PSMA8: variants seen among roughly 807,000 people sequenced by gnomAD.
PSMA8 encodes proteasome 20S subunit alpha 8.
Under a neutral mutation model 32.4 loss-of-function variants are expected in PSMA8, and 18 were observed. The ratio of observed to expected loss-of-function variants is 0.56; its 90% CI spans 0.38 to 0.82. The LOEUF is 0.82. Among genes scored for constraint, PSMA8 ranks in the 40% least tolerant of loss-of-function variants. PSMA8 has a pLI of 0.00. For synonymous variants in PSMA8, 104 were observed against 98.1 expected (o/e 1.06, Z -0.36); for missense variants, 298 against 300.7 (o/e 0.99, Z 0.07).
At chr18:26,134,219 C>A in intron 1 of PSMA8, 152 bp downstream of exon 1, 1 of 616,582 alleles carries the variant, frequency 1.6e-6, no homozygotes, top group Non-Finnish European at 2.9e-6. Flanking sequence ...TTTAGGGAGA[C>A]AGACTTCTAG....
chr18:26,160,595 C>T (rs1048624676), intron 4 of PSMA8, among the ~76,000 whole-genome samples: 1 of 151,988 alleles, frequency 6.6e-6, no homozygotes, highest in African/African-American at 2.4e-5. Flanking sequence ...TTGTTTTTTA[C>T]TCTGACATAC....
At chr18:26,171,343 T>A in intron 4 of PSMA8, 1 of 1,429,986 alleles carries the variant, frequency 7.0e-7, no homozygotes, top group South Asian at 1.1e-5. Context: ...GCGGTCAAGT[T>A]TGGCGCGAAA....
chr18:26,147,210 CA>C (rs57358976), intron 2 of PSMA8, among the ~76,000 whole-genome samples: 1,200 of 48,290 alleles, frequency 0.025, 6 homozygotes, highest in African/African-American at 0.027. Context: ...CACCCTGTCT[CA>C]AAAAAAAAAA....
At chr18:26,170,940 A>G in intron 4 of PSMA8, 1 of 1,557,604 alleles carries the variant, frequency 6.4e-7, no homozygotes, top group South Asian at 1.1e-5. Flanking sequence ...ACTGCCACCA[A>G]CTATCCAGAC....
chr18:26,142,984 T>C (rs548740705), intron 1 of PSMA8, among the ~76,000 whole-genome samples: 16 of 152,202 alleles, frequency 1.1e-4, no homozygotes, highest in Admixed American at 1.0e-3. Context: ...GGGAAAACTT[T>C]TACAGAATTT....
intron 4 of PSMA8, among the ~76,000 whole-genome samples, chr18:26,169,307 A>C (rs1200040769): frequency 7.5e-6 from 1 of 134,042 alleles, no homozygotes; most frequent in Non-Finnish European, 1.5e-5. Context: ...TTCATTTCTC[A>C]AAGGCATCTG....
In PSMA8 at chr18:26,183,735, T is replaced by A. The variant is rs150386157; in HGVS notation, c.660+4605T>A. 4.6e-4 allele frequency among the ~76,000 whole-genome samples: 69 copies of A among 150,884 alleles called. 7 individuals carry two copies. In the East Asian group the frequency reaches 0.013, roughly 29 times the overall value. Reference sequence around the variant, plus strand: ...TTACATAAATAAAGCAGTGACAAGGTTTGAGAGGATTGACTCCAGTTCTGA... The same window carrying A: ...TTACATAAATAAAGCAGTGACAAGGATTGAGAGGATTGACTCCAGTTCTGA... On this transcript the variant is annotated intron_variant, in intron 6 of 6. Coordinates refer to ENST00000415576, the MANE Select transcript of PSMA8 (RefSeq NM_001025096.2).
At position 26,140,207 on chromosome 18, in the gene PSMA8, G is replaced by A. The variant is rs541191387; in HGVS notation, c.103-4352G>A. 43 of 696,998 alleles carry A rather than the reference G, an allele frequency of 6.2e-5. No individual in the cohort carries two copies. The East Asian group carries it at 9.4e-4, about 15-fold the overall frequency. The allele number at this position is 696,998 out of a possible 1,614,324, so 43.2% of individuals were successfully genotyped here. A position where few individuals can be genotyped will look rare whatever the true frequency, so the allele number is the denominator to read the frequency against. On this transcript the variant is annotated intron_variant, in intron 1 of 6. Coordinates refer to ENST00000415576, the MANE Select transcript of PSMA8 (RefSeq NM_001025096.2). ...GGCCTGCCACTAGAGTCCTTTGGCA[G>A]GCTGGCGTGATGCCTAGGTCAGCAG...
intron 4 of PSMA8, among the ~76,000 whole-genome samples, chr18:26,177,260 G>T (rs2144341618): frequency 6.6e-6 from 1 of 152,288 alleles, no homozygotes; most frequent in Admixed American, 6.5e-5. Flanking sequence ...GTCACAACTG[G>T]GGTGGGAGTT....
At chr18:26,189,129 A>T (rs533816846) in intron 6 of PSMA8, among the ~76,000 whole-genome samples, 1 of 152,324 alleles carries the variant, frequency 6.6e-6, no homozygotes, top group East Asian at 1.9e-4. Flanking sequence ...TAAGGAGCTC[A>T]GACAACTCTA....
intron 4 of PSMA8, among the ~76,000 whole-genome samples, chr18:26,164,677 A>T (rs2055163786): frequency 6.6e-6 from 1 of 152,230 alleles, no homozygotes; most frequent in African/African-American, 2.4e-5. Flanking sequence ...TTTAAAGGAC[A>T]CTAAAGAATT....
intron 4 of PSMA8, among the ~76,000 whole-genome samples, chr18:26,161,005 T>C (rs976772751): frequency 6.6e-6 from 1 of 152,356 alleles, no homozygotes; most frequent in African/African-American, 2.4e-5. Context: ...TATTGTATAA[T>C]GGTAACTTTA....
intron 4 of PSMA8, chr18:26,171,434 A>C (rs1324349904): frequency 2.0e-6 from 2 of 979,466 alleles, no homozygotes; most frequent in East Asian, 5.8e-5. Context: ...TAAATTTTTA[A>C]AAAATTTTCT....
At chr18:26,175,925 A>C (rs2055260263) in intron 4 of PSMA8, among the ~76,000 whole-genome samples, 1 of 152,208 alleles carries the variant, frequency 6.6e-6, no homozygotes, top group African/African-American at 2.4e-5. Flanking sequence ...CCACCTGTGT[A>C]TACCTATTTG....
chr18:26,143,028 T>C (rs2054971754), intron 1 of PSMA8, among the ~76,000 whole-genome samples: 1 of 152,238 alleles, frequency 6.6e-6, no homozygotes, highest in African/African-American at 2.4e-5. Context: ...CCATTAATAC[T>C]ACCAGCACTA....
chr18:26,134,046 G>A lies in PSMA8; in HGVS notation c.81G>A (p.Ala27=), dbSNP rs570532077. The A allele has an allele frequency of 6.2e-7, 1 of 1,613,692 alleles. No individual in the cohort carries two copies. Among genetic ancestry groups the A allele is most frequent in the African/African-American group, 1.3e-5 (1 of 75,038 alleles). Residue 27 remains alanine (A), a synonymous_variant, in exon 1 of 7, where the codon GCG becomes GCA. Transcript: ENST00000415576. ...TTCAAGTTGAATATGCCCAGGAAGC[G>A]GTGAAGAAAGGATCCACCGCGGTGA... ...HLFQVEYAQE[A]VKKGSTAVGI... is the part of the protein sequence containing the mutation.
intron 6 of PSMA8, among the ~76,000 whole-genome samples, chr18:26,183,083 C>T (rs2055325284): frequency 6.8e-6 from 1 of 147,620 alleles, no homozygotes; most frequent in African/African-American, 2.5e-5. Flanking sequence ...CAGAACGAGA[C>T]TCTGTCTCAA....
chr18:26,181,778 GCCA>G (rs1231661093), intron 6 of PSMA8, among the ~76,000 whole-genome samples: 2 of 152,200 alleles, frequency 1.3e-5, no homozygotes, highest in Non-Finnish European at 2.9e-5. Flanking sequence ...ACAAAATTTA[GCCA>G]CGTGTGGTGG....
rs919826741 is a variant in PSMA8, at chr18:26,159,544, C to A, written c.477+1300C>A. On this transcript the variant is annotated intron_variant, in intron 4 of 6. Transcript: ENST00000415576. ...ACTCAATCTTTAAATATTTTAAAGC[C>A]TGCCATCTTCTGTTTGCATTTATCA... Among the ~76,000 whole-genome samples, 3 of 152,004 alleles carry A rather than the reference C, an allele frequency of 2.0e-5. No individual in the cohort carries two copies. In the South Asian group the frequency reaches 6.2e-4, roughly 32 times the overall value.
Sources: gnomAD v4.1 joint callset for allele counts (sites outside exome capture counted in the v4.1 genomes callset) on GRCh38, gnomAD v4.1.1 for gene constraint, MANE v1.5 for transcripts, NCBI Gene and HGNC (gene_info 2026-07-23, HGNC 2026-07-21) for gene names.